Variants in CCNY observed in about 807,000 individuals in gnomAD.
CCNY encodes cyclin-Y.
Under a neutral mutation model 42.8 loss-of-function variants are expected in CCNY, and 19 were observed. The observed-to-expected ratio is 0.44, with a 90% CI of 0.31 to 0.65. The LOEUF (loss-of-function observed/expected upper bound fraction) is 0.65, where lower values mean the gene tolerates loss of function less well. Ranked by LOEUF, CCNY falls within the 30% of genes least tolerant of loss-of-function variation. CCNY has a pLI of 0.07. For synonymous variants in CCNY, 165 were observed against 162.7 expected (o/e 1.01, Z -0.11); for missense variants, 370 against 437.3 (o/e 0.85, Z 1.37).
At chr10:35,256,773 T>C (rs2095715832) in intron 3 of CCNY, among the ~76,000 whole-genome samples, 1 of 151,700 alleles carries the variant, frequency 6.6e-6, no homozygotes, top group African/African-American at 2.4e-5. Flanking sequence ...TTCCACTCCT[T>C]TATAGCTAGG....
chr10:35,372,691 A>T (rs1051946749), intron 1 of CCNY, among the ~76,000 whole-genome samples: 10 of 152,098 alleles, frequency 6.6e-5, no homozygotes, highest in African/African-American at 2.4e-4. Context: ...ATAGAGAGCT[A>T]CTGCTTACAG....
chr10:35,563,501 A>G (rs1046864195), intron 8 of CCNY, among the ~76,000 whole-genome samples: 13 of 152,156 alleles, frequency 8.5e-5, no homozygotes, highest in African/African-American at 2.9e-4. Flanking sequence ...CGGTGTGTCC[A>G]TGGCAGCTCC....
At chr10:35,338,623 T>A (rs1363427841) in intron 1 of CCNY, among the ~76,000 whole-genome samples, 1 of 152,168 alleles carries the variant, frequency 6.6e-6, no homozygotes, top group Non-Finnish European at 1.5e-5. Context: ...ACAGTAAGTA[T>A]TGTACTTTAA....
intron 1 of CCNY, among the ~76,000 whole-genome samples, chr10:35,422,285 C>T (rs977835123): frequency 1.6e-4 from 25 of 152,060 alleles, no homozygotes; most frequent in African/African-American, 5.1e-4. Flanking sequence ...TCCTTGATCC[C>T]GGGATGAGTT....
intron 3 of CCNY, among the ~76,000 whole-genome samples, chr10:35,257,928 A>T (rs2095716793): frequency 6.6e-6 from 1 of 151,886 alleles, no homozygotes; most frequent in Non-Finnish European, 1.5e-5. Flanking sequence ...CTTTTCTTCA[A>T]TCTTTTTTCC....
intron 1 of CCNY, among the ~76,000 whole-genome samples, chr10:35,390,849 C>T (rs773116369): frequency 1.3e-5 from 2 of 152,178 alleles, no homozygotes; most frequent in African/African-American, 4.8e-5. Flanking sequence ...AGATACATAA[C>T]ATGAATTAAA....
chr10:35,474,795 G>C (rs1839470540), intron 1 of CCNY, among the ~76,000 whole-genome samples: 1 of 152,212 alleles, frequency 6.6e-6, no homozygotes, highest in African/African-American at 2.4e-5. Flanking sequence ...AAGCTGGACG[G>C]AGAATGACTT....
chr10:35,529,915 T>A, intron 5 of CCNY, 58 bp from the exon 6 acceptor site: 1 of 1,468,868 alleles, frequency 6.8e-7, no homozygotes, highest in Non-Finnish European at 9.4e-7. Flanking sequence ...ATTTTTGTTT[T>A]ATTTGAATGA....
chr10:35,473,988 C>T (rs1397655578), intron 1 of CCNY, among the ~76,000 whole-genome samples: 7 of 152,204 alleles, frequency 4.6e-5, no homozygotes, highest in Non-Finnish European at 7.4e-5. Flanking sequence ...ACTCGGGAAG[C>T]GCAAGGGGTC....
intron 1 of CCNY, among the ~76,000 whole-genome samples, chr10:35,377,773 A>C (rs1324020622): frequency 6.6e-6 from 1 of 152,220 alleles, no homozygotes; most frequent in Non-Finnish European, 1.5e-5. Context: ...ATGTTAACAT[A>C]CATTTTTATT....
At chr10:35,471,691 A>G (rs1170290823) in intron 1 of CCNY, among the ~76,000 whole-genome samples, 1 of 152,192 alleles carries the variant, frequency 6.6e-6, no homozygotes, top group East Asian at 1.9e-4. Context: ...TTGTCACCTC[A>G]GAGTCTGGCA....
chr10:35,526,604 T>C (rs1840657435), intron 5 of CCNY, among the ~76,000 whole-genome samples: 1 of 152,176 alleles, frequency 6.6e-6, no homozygotes, highest in South Asian at 2.1e-4. Context: ...GCACAGGACA[T>C]TGATTGGAGA....
intron 5 of CCNY, among the ~76,000 whole-genome samples, chr10:35,527,721 A>G (rs1002987632): frequency 3.3e-5 from 5 of 152,240 alleles, no homozygotes; most frequent in African/African-American, 1.2e-4. Context: ...CAGCTGAAAA[A>G]TTGAGCATTT....
rs1438966777 is a variant in CCNY at position 35,553,199 on chromosome 10, C to T, written c.746+14C>T. The T allele has an allele frequency of 3.1e-6, 5 of 1,611,814 alleles. No individual in the cohort carries two copies. Among genetic ancestry groups the T allele is most frequent in the East Asian group, 2.2e-5 (1 of 44,836 alleles). On this transcript the variant is annotated intron_variant, in intron 8 of 9. Transcript: ENST00000374704. ...GGTGGAGGACATGTGAGTTGGGGGG[C>T]AGAGGGTGTTGGTCATCAGAGTCTT...
chr10:35,523,668 C>G (rs376882391), intron 4 of CCNY, among the ~76,000 whole-genome samples: 1 of 152,256 alleles, frequency 6.6e-6, no homozygotes, highest in Admixed American at 6.5e-5. Context: ...CTCGCCCATT[C>G]GGCAGAAGCC....
chr10:35,381,443 C>A lies in CCNY; in HGVS notation c.154+44236C>A, dbSNP rs117069502. ...GGATGTGGTGGCACGTGCCTGTAAT[C>A]CCAGCTACTGGAGGGGGTGGGCTGG... is the stretch of plus-strand genomic sequence containing the variant. On this transcript the variant is annotated intron_variant, in intron 1 of 9. Transcript: ENST00000374704. Among the ~76,000 whole-genome samples, 1,207 of 152,142 alleles carry A rather than the reference C, an allele frequency of 7.9e-3. 14 individuals carry two copies. The highest frequency in any genetic ancestry group is 0.012 in the African/African-American group (489 of 41,520).
intron 1 of CCNY, among the ~76,000 whole-genome samples, chr10:35,370,930 T>A (rs927074879): frequency 6.6e-6 from 1 of 152,156 alleles, no homozygotes; most frequent in African/African-American, 2.4e-5. Flanking sequence ...TTAGCCAGGA[T>A]GGTCTCGATC....
intron 1 of CCNY, among the ~76,000 whole-genome samples, chr10:35,372,434 C>T (rs1205317377): frequency 6.6e-6 from 1 of 152,188 alleles, no homozygotes; most frequent in Non-Finnish European, 1.5e-5. Context: ...CTGGGATCAG[C>T]CTCGGGCCTT....
chr10:35,297,699 T>A (rs1298748243), intron 3 of CCNY, among the ~76,000 whole-genome samples: 1 of 151,616 alleles, frequency 6.6e-6, no homozygotes, highest in African/African-American at 2.4e-5. Flanking sequence ...ACCAACAACA[T>A]CCAAGCTGAG....
Sources: allele counts gnomAD v4.1 joint callset (sites outside exome capture counted in the v4.1 genomes callset), GRCh38; gene constraint gnomAD v4.1.1; transcripts MANE v1.5; gene names NCBI Gene and HGNC (gene_info 2026-07-23, HGNC 2026-07-21).